Variants in PPM1L observed in about 807,000 individuals in gnomAD.
PPM1L encodes the protein protein phosphatase, Mg2+/Mn2+ dependent 1L.
In PPM1L, 13 loss-of-function variants were observed where a neutral mutation model predicts 31.4. That is an observed-to-expected ratio of 0.41 (90% CI 0.27 to 0.66). The LOEUF is 0.66. Ranked by LOEUF, PPM1L falls within the 30% of genes least tolerant of loss-of-function variation. The pLI, the probability that PPM1L is intolerant of heterozygous loss-of-function variation, is 0.29. For missense variants in PPM1L, 326 were observed against 453.7 expected, an observed-to-expected ratio of 0.72 and a Z score of 2.56; for synonymous variants, 184 against 175.4, an observed-to-expected ratio of 1.05 and a Z score of -0.39.
intron 1 of PPM1L, among the ~76,000 whole-genome samples, chr3:160,958,193 T>C (rs1170643585): frequency 2.6e-5 from 4 of 152,218 alleles, no homozygotes; most frequent in African/African-American, 9.7e-5. Context: ...TTGCTTTTTT[T>C]GCAATTGCTT....
At chr3:160,986,169 T>C (rs1716957928) in intron 2 of PPM1L, among the ~76,000 whole-genome samples, 1 of 152,212 alleles carries the variant, frequency 6.6e-6, no homozygotes, top group African/African-American at 2.4e-5. Flanking sequence ...GCATCCAGCT[T>C]CTTTGAAGAA....
chr3:160,872,436 T>G (rs140160121), intron 1 of PPM1L, among the ~76,000 whole-genome samples: 1,787 of 152,274 alleles, frequency 0.012, 34 homozygotes, highest in African/African-American at 0.041. Context: ...TACTAGGAAC[T>G]GGGGATATAG....
chr3:161,038,436 T>C (rs1305126266), intron 2 of PPM1L, among the ~76,000 whole-genome samples: 1 of 151,932 alleles, frequency 6.6e-6, no homozygotes, highest in East Asian at 1.9e-4. Context: ...CTCAGCCTCC[T>C]GAGCAGCTAG....
rs866451789 is a variant in PPM1L at position 160,936,192 on chromosome 3, C to T, written c.400-25544C>T. On this transcript the variant is annotated intron_variant, in intron 1 of 3. Transcript: ENST00000498165. ...GCAACCTCCGCCTTCCAGGTTCAAG[C>T]GATTCTCCTGCCTCAGCCTCCTGAG... 9.2e-5 allele frequency among the ~76,000 whole-genome samples: 14 copies of T among 152,164 alleles called. No individual in the cohort carries two copies. In the East Asian group the frequency reaches 1.2e-3, roughly 13 times the overall value.
intron 1 of PPM1L, among the ~76,000 whole-genome samples, chr3:160,847,439 A>G (rs1253185504): frequency 1.3e-5 from 2 of 152,324 alleles, no homozygotes; most frequent in South Asian, 4.1e-4. Flanking sequence ...AGAAAAAATG[A>G]AGTGAAAATA....
chr3:160,910,468 C>T (rs917735796), intron 1 of PPM1L, among the ~76,000 whole-genome samples: 1 of 151,944 alleles, frequency 6.6e-6, no homozygotes, highest in African/African-American at 2.4e-5. Context: ...TGCGCCACCA[C>T]ACCTGGCTAA....
intron 2 of PPM1L, among the ~76,000 whole-genome samples, chr3:161,048,985 C>T (rs946534358): frequency 6.6e-6 from 1 of 150,388 alleles, no homozygotes; most frequent in East Asian, 2.0e-4. Flanking sequence ...ATGTAAATGA[C>T]GAGTTAATGG....
At chr3:160,864,228 G>T (rs1283614000) in intron 1 of PPM1L, among the ~76,000 whole-genome samples, 1 of 152,094 alleles carries the variant, frequency 6.6e-6, no homozygotes, top group African/African-American at 2.4e-5. Flanking sequence ...TGTCACCCAG[G>T]TTGGATTGCA....
chr3:161,038,384 C>T (rs938422248), intron 2 of PPM1L, among the ~76,000 whole-genome samples: 4 of 151,736 alleles, frequency 2.6e-5, no homozygotes, highest in Admixed American at 2.0e-4. Context: ...CAATCATAGC[C>T]CACTGCAGCC....
At chr3:160,823,186 A>C (rs964424833) in intron 1 of PPM1L, among the ~76,000 whole-genome samples, 5 of 152,028 alleles carry the variant, frequency 3.3e-5, no homozygotes, top group African/African-American at 1.2e-4. Context: ...GGGACTTCTT[A>C]TTTATAGGAA....
chr3:160,882,597 A>G (rs990279886), intron 1 of PPM1L, among the ~76,000 whole-genome samples: 1 of 152,240 alleles, frequency 6.6e-6, no homozygotes, highest in Admixed American at 6.5e-5. Flanking sequence ...ACTTAATTAC[A>G]TCTGCAAAGA....
At chr3:161,007,251 C>T (rs1262083764) in intron 2 of PPM1L, among the ~76,000 whole-genome samples, 1 of 152,156 alleles carries the variant, frequency 6.6e-6, no homozygotes. Flanking sequence ...GCAAGGAATG[C>T]CAGGACATAA....
intron 2 of PPM1L, among the ~76,000 whole-genome samples, chr3:161,060,533 T>G (rs1197103751): frequency 2.6e-5 from 4 of 151,958 alleles, no homozygotes; most frequent in African/African-American, 9.7e-5. Flanking sequence ...ATTTTAGAGG[T>G]AAGAGTAACA....
intron 1 of PPM1L, among the ~76,000 whole-genome samples, chr3:160,865,017 CA>C (rs1385641478): frequency 6.6e-6 from 1 of 152,102 alleles, no homozygotes; most frequent in Non-Finnish European, 1.5e-5. Context: ...ACTAGCAAAA[CA>C]AGAAATGGTT....
intron 2 of PPM1L, among the ~76,000 whole-genome samples, chr3:161,038,954 A>G (rs534972779): frequency 6.6e-5 from 10 of 152,298 alleles, no homozygotes; most frequent in African/African-American, 2.4e-4. Flanking sequence ...CCAGAACCAA[A>G]ATGGTGACGA....
In PPM1L at chr3:160,846,960, A is replaced by G. The variant is rs370473082; in HGVS notation, c.399+90253A>G. On this transcript the variant is annotated intron_variant, in intron 1 of 3. Transcript: ENST00000498165. ...CTCATTATAACAGGGCCACTATGAT[A>G]TAAGAGGTCAAAAACAGTAGTAGAA... Among the ~76,000 whole-genome samples the G allele has an allele frequency of 7.1e-4, 108 of 152,282 alleles. 1 individual carries two copies. The highest frequency in any genetic ancestry group is 6.0e-3 in the South Asian group (29 of 4,826).
intron 1 of PPM1L, among the ~76,000 whole-genome samples, chr3:160,776,266 A>G (rs1433716261): frequency 6.6e-6 from 1 of 152,150 alleles, no homozygotes; most frequent in Non-Finnish European, 1.5e-5. Flanking sequence ...AGTAACAGCA[A>G]CAGCTACTTC....
chr3:160,892,524 A>G (rs183674715), intron 1 of PPM1L, among the ~76,000 whole-genome samples: 9 of 152,306 alleles, frequency 5.9e-5, no homozygotes, highest in African/African-American at 1.7e-4. Flanking sequence ...GTCAGTGAAT[A>G]TATTTTAGAG....
At chr3:160,883,648 T>C (rs1415820068) in intron 1 of PPM1L, among the ~76,000 whole-genome samples, 1 of 151,966 alleles carries the variant, frequency 6.6e-6, no homozygotes, top group Admixed American at 6.6e-5. Flanking sequence ...AGGTCCTTTT[T>C]GTTTCCATAG....
Sources: gnomAD v4.1 joint callset for allele counts (sites outside exome capture counted in the v4.1 genomes callset) on GRCh38, gnomAD v4.1.1 for gene constraint, MANE v1.5 for transcripts, NCBI Gene and HGNC (gene_info 2026-07-23, HGNC 2026-07-21) for gene names.